GRIP1: variants seen among roughly 807,000 people sequenced by gnomAD.
GRIP1 encodes the protein glutamate receptor-interacting protein 1.
A neutral mutation model predicts 129.9 loss-of-function variants in GRIP1; 45 were observed. That is an observed-to-expected ratio of 0.35 (90% CI 0.27 to 0.44). The LOEUF (loss-of-function observed/expected upper bound fraction) is 0.44. GRIP1 is among the 20% of genes least tolerant of loss of function. GRIP1 has a pLI of 1.00. For missense variants in GRIP1, 1,196 were observed against 1,396.8 expected (o/e 0.86, Z 2.29); for synonymous variants, 530 against 520.8 (o/e 1.02, Z -0.24).
At chr12:66,783,796 T>C (rs543886584) in intron 1 of GRIP1, among the ~76,000 whole-genome samples, 1 of 152,286 alleles carries the variant, frequency 6.6e-6, no homozygotes, top group East Asian at 1.9e-4. Context: ...CAAGTTTGAG[T>C]TCAATATGAA....
At chr12:66,403,285 G>T (rs2057074420) in intron 16 of GRIP1, among the ~76,000 whole-genome samples, 2 of 151,974 alleles carry the variant, frequency 1.3e-5, no homozygotes, top group Non-Finnish European at 2.9e-5. Context: ...CTCATCCCCC[G>T]TCTACCCTCT....
At chr12:66,922,585 G>A (rs1327384338) in intron 1 of GRIP1, among the ~76,000 whole-genome samples, 2 of 152,176 alleles carry the variant, frequency 1.3e-5, no homozygotes, top group Non-Finnish European at 2.9e-5. Context: ...GCAGCAATGT[G>A]CTTGAGTTAA....
At chr12:66,527,176 G>T in intron 5 of GRIP1, among the ~76,000 whole-genome samples, 1 of 148,792 alleles carries the variant, frequency 6.7e-6, no homozygotes. Flanking sequence ...CCATTACTGG[G>T]TATATACCCA....
intron 1 of GRIP1, among the ~76,000 whole-genome samples, chr12:66,688,868 C>T (rs752644915): frequency 5.3e-5 from 8 of 151,748 alleles, no homozygotes; most frequent in Admixed American, 1.3e-4. Flanking sequence ...TAAAAATGGG[C>T]GCCGTGAAAA....
In GRIP1 at chr12:66,662,480, C is replaced by G. The variant is rs143021915; in HGVS notation, c.55+16370G>C. On this transcript the variant is annotated intron_variant, in intron 1 of 24. Transcript: ENST00000359742. ...GGGAACTTTAATATATTTCTGCTAG[C>G]AGCTGATGAGTCAAGATTCTTGTGC... Among the ~76,000 whole-genome samples the G allele has an allele frequency of 2.6e-3, 393 of 152,226 alleles. 1 individual carries two copies. Among genetic ancestry groups the G allele is most frequent in the African/African-American group, 9.1e-3 (377 of 41,546 alleles).
At chr12:66,472,162 C>G (rs991323327) in intron 7 of GRIP1, among the ~76,000 whole-genome samples, 2 of 152,176 alleles carry the variant, frequency 1.3e-5, no homozygotes, top group African/African-American at 2.4e-5. Context: ...AGAAGTCTGT[C>G]CACCTCATAG....
chr12:66,960,059 G>A (rs1240024453), intron 1 of GRIP1, among the ~76,000 whole-genome samples: 1 of 152,156 alleles, frequency 6.6e-6, no homozygotes, highest in Non-Finnish European at 1.5e-5. Context: ...GTATGTTTAG[G>A]AAACAGAAGG....
chr12:66,923,516 C>A (rs1382473662), intron 1 of GRIP1, among the ~76,000 whole-genome samples: 3 of 152,182 alleles, frequency 2.0e-5, no homozygotes, highest in Admixed American at 2.0e-4. Context: ...CAACTCTTCA[C>A]AAACTTTTAA....
chr12:66,733,451 A>G (rs1270623048), intron 1 of GRIP1, among the ~76,000 whole-genome samples: 2 of 152,156 alleles, frequency 1.3e-5, no homozygotes, highest in Non-Finnish European at 2.9e-5. Context: ...GGGCTGATGT[A>G]GCTGGGATGT....
intron 1 of GRIP1, among the ~76,000 whole-genome samples, chr12:66,840,953 A>G (rs1233158550): frequency 6.6e-6 from 1 of 152,246 alleles, no homozygotes; most frequent in Non-Finnish European, 1.5e-5. Context: ...TCCAAGTAAA[A>G]TAAAAGACAC....
intron 1 of GRIP1, among the ~76,000 whole-genome samples, chr12:66,946,766 C>CGGG (rs1325489279): frequency 7.6e-4 from 4 of 5,290 alleles, no homozygotes; most frequent in African/African-American, 2.6e-3. Flanking sequence ...CAGCGGGGGT[C>CGGG]GGGGGGTGGG....
chr12:67,033,284 T>TATATATAC (rs2043049543), intron 1 of GRIP1, among the ~76,000 whole-genome samples: 1 of 150,212 alleles, frequency 6.7e-6, no homozygotes, highest in Non-Finnish European at 1.5e-5. Flanking sequence ...TATATATATA[T>TATATATAC]ATATATATAA....
At chr12:66,466,972 C>A (rs2059303965) in intron 7 of GRIP1, among the ~76,000 whole-genome samples, 1 of 152,106 alleles carries the variant, frequency 6.6e-6, no homozygotes, top group African/African-American at 2.4e-5. Flanking sequence ...TGGGAGAGAG[C>A]CATCTTCAGT....
chr12:66,602,471 T>C (rs1420680807), intron 1 of GRIP1, among the ~76,000 whole-genome samples: 1 of 152,202 alleles, frequency 6.6e-6, no homozygotes, highest in Non-Finnish European at 1.5e-5. Flanking sequence ...AAGCAAAAAG[T>C]GCATTCATGA....
At chr12:66,464,932 C>T (rs2059240450) in intron 8 of GRIP1, among the ~76,000 whole-genome samples, 1 of 132,216 alleles carries the variant, frequency 7.6e-6, no homozygotes. Context: ...TGTAAAGGGG[C>T]ACTTTCTTTC....
At chr12:67,051,057 A>C (rs1019472569) in intron 1 of GRIP1, among the ~76,000 whole-genome samples, 1 of 152,218 alleles carries the variant, frequency 6.6e-6, no homozygotes, top group Admixed American at 6.5e-5. Context: ...GAGACAGACC[A>C]GCAGAAGACA....
chr12:67,045,653 C>G (rs1464306761), intron 1 of GRIP1, among the ~76,000 whole-genome samples: 1 of 152,172 alleles, frequency 6.6e-6, no homozygotes, highest in African/African-American at 2.4e-5. Context: ...TAAGGAATTA[C>G]TCTGAAGTTT....
At chr12:66,615,864 C>T (rs955161169) in intron 1 of GRIP1, among the ~76,000 whole-genome samples, 4 of 152,134 alleles carry the variant, frequency 2.6e-5, no homozygotes, top group African/African-American at 7.2e-5. Context: ...AGGTTGGTCT[C>T]GAACTCCTTA....
intron 1 of GRIP1, among the ~76,000 whole-genome samples, chr12:66,727,079 T>C (rs911126859): frequency 6.6e-6 from 1 of 152,178 alleles, no homozygotes; most frequent in African/African-American, 2.4e-5. Context: ...AAACAACATA[T>C]ACTCCATCTG....
Sources: gnomAD v4.1 joint callset for allele counts (sites outside exome capture counted in the v4.1 genomes callset) on GRCh38, gnomAD v4.1.1 for gene constraint, MANE v1.5 for transcripts, NCBI Gene and HGNC (gene_info 2026-07-23, HGNC 2026-07-21) for gene names.